The following HSPA4 variants were observed in gnomAD, a reference collection of about 807,000 sequenced individuals.
HSPA4 encodes heat shock 70 kDa protein 4.
Under a neutral mutation model 106.2 loss-of-function variants are expected in HSPA4, and 25 were observed. The ratio of observed to expected loss-of-function variants is 0.24; its 90% CI spans 0.17 to 0.33. The LOEUF is 0.33. HSPA4 is among the 10% of genes least tolerant of loss of function. The probability of loss-of-function intolerance (pLI) is 1.00; values close to 1 mark genes in which losing one functional copy is unlikely to be tolerated. For synonymous variants in HSPA4, 332 were observed against 333.6 expected (o/e 1.00, Z 0.05); for missense variants, 841 against 996.0 (o/e 0.84, Z 2.10).
intron 16 of HSPA4, among the ~76,000 whole-genome samples, chr5:133,100,701 A>G (rs1290834301): frequency 6.6e-6 from 1 of 152,206 alleles, no homozygotes; most frequent in Non-Finnish European, 1.5e-5. Flanking sequence ...AGGATTAAAC[A>G]TGAAAGAATT....
chr5:133,056,343 C>T (rs539135159), intron 1 of HSPA4, among the ~76,000 whole-genome samples: 24 of 152,202 alleles, frequency 1.6e-4, no homozygotes, highest in African/African-American at 4.8e-4. Flanking sequence ...TGATTTTTAC[C>T]TAGGTGCAGT....
At chr5:133,053,268 G>A (rs66827546) in intron 1 of HSPA4, among the ~76,000 whole-genome samples, 38,623 of 150,668 alleles carry the variant, frequency 0.26, 5,153 homozygotes, top group African/African-American at 0.3. Context: ...ATCCGTTGTC[G>A]TGTTCTTAGA....
Position 133,052,286 on chromosome 5 carries a change from C to T in HSPA4, c.36C>T (p.Ser12=). 1 of 1,597,724 alleles carries T rather than the reference C, an allele frequency of 6.3e-7. No homozygotes were observed. Among genetic ancestry groups the T allele is most frequent in the Non-Finnish European group, 8.5e-7 (1 of 1,174,836 alleles). ...TGGGCATAGACCTGGGCTTCCAGAG[C>T]TGCTACGTCGCTGTGGCCCGCGCCG... ...SVVGIDLGFQ[S]CYVAVARAGG... is the part of the protein sequence containing the mutation. Residue 12 remains serine (S), a synonymous_variant, in exon 1 of 19, where the codon AGC becomes AGT. Transcript: ENST00000304858.
In HSPA4 at chr5:133,092,736, G is replaced by A; in HGVS notation, c.1597G>A (p.Glu533Lys). ...QVDQEEPHVE[E>K]QQQQTPAENK... is the part of the protein sequence containing the mutation. The stretch of plus-strand genomic sequence containing the variant: ...GGACCAGGAGGAACCACATGTTGAA[G>A]AGCAACAGCAGCAGACACCAGCAGA... The change falls in exon 13 of 19, where the codon GAG becomes AAG. Residue 533 changes from glutamate to lysine, a missense_variant. By Grantham distance (56) the Glu-to-Lys change is moderately conservative. This residue lies in a region of HSPA4 where 328 missense variants were observed against 372.2 expected (regional missense o/e 0.88). Coordinates refer to ENST00000304858, the MANE Select transcript of HSPA4 (RefSeq NM_002154.4). The A allele has an allele frequency of 1.3e-6, 2 of 1,596,768 alleles. No homozygotes were observed. Among genetic ancestry groups the A allele is most frequent in the Non-Finnish European group, 1.7e-6 (2 of 1,170,292 alleles).
chr5:133,086,687 G>T (rs371766620), intron 7 of HSPA4, 95 bp from the exon 8 acceptor site: 2 of 836,276 alleles, frequency 2.4e-6, no homozygotes. Context: ...GCCAGCACTT[G>T]TTGTTACCTG....
intron 1 of HSPA4, among the ~76,000 whole-genome samples, chr5:133,056,863 A>G (rs1348798000): frequency 1.3e-5 from 2 of 152,232 alleles, no homozygotes; most frequent in Non-Finnish European, 2.9e-5. Flanking sequence ...TGAGAATTAT[A>G]ATGAGTTAAA....
At chr5:133,098,831 C>T (rs1765747898) in intron 15 of HSPA4, among the ~76,000 whole-genome samples, 1 of 151,718 alleles carries the variant, frequency 6.6e-6, no homozygotes, top group East Asian at 2.0e-4. Context: ...CTCCACCATG[C>T]CTGGCTAATT....
intron 1 of HSPA4, among the ~76,000 whole-genome samples, chr5:133,053,273 C>T (rs994995579): frequency 6.7e-6 from 1 of 148,706 alleles, no homozygotes; most frequent in Non-Finnish European, 1.5e-5. Flanking sequence ...TTGTCGTGTT[C>T]TTAGACAAAA....
At chr5:133,070,924 A>C (rs893026355) in intron 4 of HSPA4, among the ~76,000 whole-genome samples, 2 of 152,030 alleles carry the variant, frequency 1.3e-5, no homozygotes, top group African/African-American at 4.8e-5. Context: ...AAATTTATGA[A>C]ACTAGTCTTC....
At chr5:133,063,203 C>T (rs1224359369) in intron 1 of HSPA4, among the ~76,000 whole-genome samples, 1 of 151,518 alleles carries the variant, frequency 6.6e-6, no homozygotes. Context: ...TTCAGGTGAT[C>T]CTCCTGCCTC....
At position 133,073,324 on chromosome 5, in the gene HSPA4, C is replaced by T. The variant is rs921932873; in HGVS notation, c.524C>T (p.Thr175Ile). 2 of 1,592,088 alleles carry T rather than the reference C, an allele frequency of 1.3e-6. No homozygotes were observed. The highest frequency in any genetic ancestry group is 1.7e-6 in the Non-Finnish European group (2 of 1,161,710). The change falls in exon 5 of 19, where the codon ACT becomes ATT. Residue 175 changes from threonine (T) to isoleucine (I), a missense_variant. Physicochemically the swap from Thr to Ile is moderately conservative, Grantham distance 89. Coordinates refer to ENST00000304858, the MANE Select transcript of HSPA4 (RefSeq NM_002154.4). The part of the protein sequence containing the change: ...LNCLRLMNET[T>I]AVALAYGIYK... ...TGCTTGCGATTAATGAATGAAACCACTGCAGGTAAGGAGGACCGTTGATTA... is the reference window on the plus strand; with the variant it reads ...TGCTTGCGATTAATGAATGAAACCATTGCAGGTAAGGAGGACCGTTGATTA...
chr5:133,080,129 TC>T (rs1323117776), intron 7 of HSPA4, among the ~76,000 whole-genome samples: 2 of 151,692 alleles, frequency 1.3e-5, no homozygotes, highest in Non-Finnish European at 2.9e-5. Context: ...TTCTTGAAAG[TC>T]CATTTGGGTG....
At chr5:133,067,364 A>AT (rs1346490847) in intron 2 of HSPA4, 53 bp from the exon 3 acceptor site, 52 of 1,348,054 alleles carry the variant, frequency 3.9e-5, no homozygotes, top group Non-Finnish European at 4.8e-5. Context: ...GGCTGTTGAA[A>AT]TAAAAAAAAA....
At position 133,104,676 on chromosome 5, in the gene HSPA4, T is replaced by C. The variant is rs1486801705; in HGVS notation, c.*240T>C. 3 of 477,066 alleles carry C rather than the reference T, an allele frequency of 6.3e-6. No homozygotes were observed. The highest frequency in any genetic ancestry group is 1.1e-5 in the Non-Finnish European group (3 of 264,738). 29.6% of individuals were successfully genotyped at this position (477,066 alleles called of 1,614,324 possible). Reference sequence around the variant, plus strand: ...TATTTAGAAGCCCAGTTAGTCTTACTGAGCTTATGCTTCACTCCTTTATGT... The same window carrying C: ...TATTTAGAAGCCCAGTTAGTCTTACCGAGCTTATGCTTCACTCCTTTATGT... On this transcript the variant is annotated 3_prime_UTR_variant, in exon 19 of 19. Coordinates refer to ENST00000304858, the MANE Select transcript of HSPA4 (RefSeq NM_002154.4).
intron 4 of HSPA4, among the ~76,000 whole-genome samples, chr5:133,071,284 CAAAAAAAAAAAAA>C (rs755520266): frequency 2.3e-4 from 14 of 62,088 alleles, no homozygotes; most frequent in Non-Finnish European, 6.2e-5. Flanking sequence ...CTGTCTTTAC[CAAAAAAAAAAAAA>C]AAAAAAAAAA....
chr5:133,080,243 G>A (rs1383481738), intron 7 of HSPA4, among the ~76,000 whole-genome samples: 3 of 151,150 alleles, frequency 2.0e-5, no homozygotes, highest in Admixed American at 6.6e-5. Flanking sequence ...GCAAAACCTC[G>A]TCTCTACTAA....
intron 3 of HSPA4, among the ~76,000 whole-genome samples, chr5:133,069,184 A>C (rs1272413800): frequency 6.6e-6 from 1 of 152,060 alleles, no homozygotes; most frequent in Non-Finnish European, 1.5e-5. Context: ...AACTGTTATC[A>C]CATTTGCAGA....
At position 133,086,751 on chromosome 5, in the gene HSPA4, T is replaced by C. The variant is rs755054046; in HGVS notation, c.909-31T>C. The C allele has an allele frequency of 1.8e-5, 27 of 1,482,038 alleles. No individual in the cohort carries two copies. In the East Asian group the frequency reaches 5.6e-4, roughly 31 times the overall value. 91.8% of individuals were successfully genotyped at this position (1,482,038 alleles called of 1,614,324 possible). A position where few individuals can be genotyped will look rare whatever the true frequency, so the allele number is the denominator to read the frequency against. ...AAAAGTGGCATGTGATTTAATGTACTGTGTTTTTTGTTTTGTTTTGTTTTT... is the reference window on the plus strand; with the variant it reads ...AAAAGTGGCATGTGATTTAATGTACCGTGTTTTTTGTTTTGTTTTGTTTTT... On this transcript the variant is annotated intron_variant, in intron 7 of 18. Transcript: ENST00000304858.
At chr5:133,073,653 A>G (rs1296167748) in intron 5 of HSPA4, among the ~76,000 whole-genome samples, 1 of 152,244 alleles carries the variant, frequency 6.6e-6, no homozygotes, top group Non-Finnish European at 1.5e-5. Flanking sequence ...GGAATGGGAC[A>G]TTAAGCAGCA....
Sources: allele counts gnomAD v4.1 joint callset (sites outside exome capture counted in the v4.1 genomes callset), GRCh38; gene constraint gnomAD v4.1.1; regional missense constraint gnomAD v4.1.1; transcripts MANE v1.5; gene names NCBI Gene and HGNC (gene_info 2026-07-23, HGNC 2026-07-21).